RASGRF1: variants seen among roughly 807,000 people sequenced by gnomAD.
RASGRF1 encodes ras-specific guanine nucleotide-releasing factor 1.
In RASGRF1, 40 loss-of-function variants were observed where a neutral mutation model predicts 138.7. The observed-to-expected ratio is 0.29, with a 90% CI of 0.22 to 0.38. The LOEUF is 0.38. Among genes scored for constraint, RASGRF1 ranks in the 10% least tolerant of loss-of-function variants. RASGRF1 has a pLI of 1.00. For missense variants in RASGRF1, 1,108 were observed against 1,650.4 expected (o/e 0.67, Z 5.69); for synonymous variants, 614 against 663.2 (o/e 0.93, Z 1.14).
In RASGRF1 at chr15:79,083,478, G is replaced by A. The variant is rs73479409; in HGVS notation, c.276+6745C>T. Among the ~76,000 whole-genome samples the A allele has an allele frequency of 2.3e-3, 353 of 152,286 alleles. 3 individuals carry two copies. Among genetic ancestry groups the A allele is most frequent in the African/African-American group, 7.9e-3 (327 of 41,554 alleles). Reference sequence around the variant, plus strand: ...GGGGTGTGGATGCCTGCCTTGGTGCGCTTCCCATCAATGCTCAGGGGATTC... The same window carrying A: ...GGGGTGTGGATGCCTGCCTTGGTGCACTTCCCATCAATGCTCAGGGGATTC... On this transcript the variant is annotated intron_variant, in intron 1 of 26. Transcript: ENST00000558480.
intron 3 of RASGRF1, among the ~76,000 whole-genome samples, chr15:79,053,541 A>G (rs1253864019): frequency 6.6e-6 from 1 of 152,232 alleles, no homozygotes; most frequent in Non-Finnish European, 1.5e-5. Context: ...TCTCATAGGT[A>G]GATGTTCCCT....
intron 22 of RASGRF1, among the ~76,000 whole-genome samples, chr15:78,987,724 C>G (rs1231238068): frequency 6.8e-6 from 1 of 146,282 alleles, no homozygotes; most frequent in Non-Finnish European, 1.5e-5. Flanking sequence ...CAAAAAAAAC[C>G]AAAAAACCCC....
At chr15:79,081,508 G>T (rs2057913387) in intron 1 of RASGRF1, among the ~76,000 whole-genome samples, 1 of 152,218 alleles carries the variant, frequency 6.6e-6, no homozygotes, top group Non-Finnish European at 1.5e-5. Context: ...CTGGGCCTGG[G>T]AAGGCCTGAG....
rs529744337 is a variant in RASGRF1, at chr15:79,070,921, T to C, written c.277-6395A>G. ...AATAGACACAAAGTTGTTGAGGATCTGAATTGCCCATCTCGTGGGTGACTG... is the reference window on the plus strand; with the variant it reads ...AATAGACACAAAGTTGTTGAGGATCCGAATTGCCCATCTCGTGGGTGACTG... On this transcript the variant is annotated intron_variant, in intron 1 of 26. Coordinates refer to ENST00000558480, the MANE Select transcript of RASGRF1 (RefSeq NM_001145648.3). 5.3e-5 allele frequency among the ~76,000 whole-genome samples: 8 copies of C among 152,330 alleles called. No individual in the cohort carries two copies. The South Asian group carries it at 6.2e-4, about 12-fold the overall frequency.
intron 16 of RASGRF1, among the ~76,000 whole-genome samples, chr15:79,000,882 CT>C (rs2056506752): frequency 6.6e-6 from 1 of 152,162 alleles, no homozygotes; most frequent in Non-Finnish European, 1.5e-5. Context: ...TATTGGGTTC[CT>C]TTTGAAAGCC....
intron 26 of RASGRF1, among the ~76,000 whole-genome samples, chr15:78,971,110 A>G (rs532932043): frequency 6.6e-6 from 1 of 151,666 alleles, no homozygotes; most frequent in East Asian, 1.9e-4. Flanking sequence ...GACCAGGAAA[A>G]CTCTTCCAGG....
intron 20 of RASGRF1, among the ~76,000 whole-genome samples, chr15:78,993,423 T>G (rs942426370): frequency 6.6e-6 from 1 of 151,086 alleles, no homozygotes; most frequent in Non-Finnish European, 1.5e-5. Flanking sequence ...TGTCGGTGAG[T>G]TTTTCCTGGC....
At chr15:79,048,746 T>C (rs918220491) in intron 4 of RASGRF1, among the ~76,000 whole-genome samples, 2 of 152,362 alleles carry the variant, frequency 1.3e-5, no homozygotes, top group African/African-American at 4.8e-5. Context: ...ACTGGTACGC[T>C]GAACTTGGCC....
chr15:78,992,188 T>G (rs1414526552), intron 20 of RASGRF1, among the ~76,000 whole-genome samples: 2 of 152,204 alleles, frequency 1.3e-5, no homozygotes, highest in African/African-American at 2.4e-5. Flanking sequence ...GCCTGGCCAC[T>G]CCCTTCAGCG....
chr15:79,058,153 C>T (rs2057535239), intron 3 of RASGRF1, among the ~76,000 whole-genome samples, 181 bp downstream of exon 3: 1 of 152,190 alleles, frequency 6.6e-6, no homozygotes. Flanking sequence ...AGATTTAAAC[C>T]CAGTCTGACC....
chr15:79,020,376 C>T lies in RASGRF1; in HGVS notation c.1543-272G>A, dbSNP rs184700787. Among the ~76,000 whole-genome samples, 289 of 152,340 alleles carry T rather than the reference C, an allele frequency of 1.9e-3. 1 individual carries two copies. Among genetic ancestry groups the T allele is most frequent in the South Asian group, 4.4e-3 (21 of 4,820 alleles). ...GGTTGAGTTCTGGCCATGGGTGGAGCGGACAGAACCTGGCCTGCTTGGCCC... is the reference window on the plus strand; with the variant it reads ...GGTTGAGTTCTGGCCATGGGTGGAGTGGACAGAACCTGGCCTGCTTGGCCC... On this transcript the variant is annotated intron_variant, in intron 10 of 26. Coordinates refer to ENST00000558480, the MANE Select transcript of RASGRF1 (RefSeq NM_001145648.3).
intron 24 of RASGRF1, among the ~76,000 whole-genome samples, chr15:78,978,220 G>GTTTTTTTTTTT (rs71148584): frequency 1.6e-5 from 2 of 125,098 alleles, no homozygotes; most frequent in African/African-American, 8.1e-5. Flanking sequence ...CTTTTCTTTT[G>GTTTTTTTTTTT]TTTTTTTTTT....
intron 5 of RASGRF1, among the ~76,000 whole-genome samples, chr15:79,042,152 AC>A (rs1458552417): frequency 6.6e-6 from 1 of 152,240 alleles, no homozygotes; most frequent in Non-Finnish European, 1.5e-5. Context: ...TACACAATTA[AC>A]ACCCTCCCCA....
chr15:79,090,279 C>T lies in RASGRF1; in HGVS notation c.220G>A (p.Asp74Asn). The part of the protein sequence containing the change: ...GLYLLEGCVC[D>N]RAPSPKPALS... The stretch of plus-strand genomic sequence containing the variant: ...GCCGGCTTGGGGGAGGGCGCGCGGT[C>T]GCAGACGCAGCCCTCCAGCAGGTAA... The change falls in exon 1 of 27, where the codon GAC (aspartate) becomes AAC (asparagine). Residue 74 changes from aspartate (D) to asparagine (N), a missense_variant. By Grantham distance (23) the Asp-to-Asn change is conservative. Around this residue, in one of 3 missense-constraint regions of RASGRF1, gnomAD observed 253 missense variants for 329.5 expected, o/e 0.77. Transcript: ENST00000558480. 1.9e-6 allele frequency: 3 copies of T among 1,612,198 alleles called. No individual in the cohort carries two copies. The highest frequency in any genetic ancestry group is 3.3e-5 in the Admixed American group (2 of 59,986).
intron 2 of RASGRF1, among the ~76,000 whole-genome samples, chr15:79,061,867 T>C (rs1407692171): frequency 6.6e-6 from 1 of 152,244 alleles, no homozygotes; most frequent in Non-Finnish European, 1.5e-5. Flanking sequence ...CTAAGGGATA[T>C]CTGCATATGA....
Position 79,017,840 on chromosome 15 carries a change from G to A in RASGRF1, c.1673C>T (p.Pro558Leu), listed in dbSNP as rs139535493. Residue 558 changes from proline (P) to leucine (L), a missense_variant, in exon 12 of 27, where the codon CCG becomes CTG. By Grantham distance (98) the Pro-to-Leu change is moderately conservative (BLOSUM62 -3). This residue lies in a region of RASGRF1 where 686 missense variants were observed against 976.7 expected (regional missense o/e 0.70). Transcript: ENST00000558480. The stretch of plus-strand genomic sequence containing the variant: ...GGCCACTAGGATGACTGTAAAGGGC[G>A]GGGAATCCTTTGGCTCCACCCCGAT... ...FKIGVEPKDS[P>L]PFTVILVASS... The A allele has an allele frequency of 8.6e-5, 138 of 1,613,376 alleles. No individual in the cohort carries two copies. The highest frequency in any genetic ancestry group is 3.3e-4 in the East Asian group (15 of 44,824).
chr15:78,997,120 G>A, intron 19 of RASGRF1, among the ~76,000 whole-genome samples: 1 of 152,242 alleles, frequency 6.6e-6, no homozygotes, highest in Middle Eastern at 3.2e-3. Flanking sequence ...GCTCAGAGCG[G>A]GGACTTGCCC....
intron 1 of RASGRF1, among the ~76,000 whole-genome samples, chr15:79,075,410 A>C (rs530478195): frequency 3.9e-5 from 6 of 152,124 alleles, no homozygotes; most frequent in Non-Finnish European, 8.8e-5. Flanking sequence ...CTTCCTGTCC[A>C]GTATGTCCTT....
At chr15:79,049,702 C>G in intron 3 of RASGRF1, 114 bp from the exon 4 acceptor site, 1 of 786,012 alleles carries the variant, frequency 1.3e-6, no homozygotes, top group East Asian at 2.7e-5. Flanking sequence ...CCTCTTCTTC[C>G]CCAAGAGCCA....
Sources: gnomAD v4.1 joint callset for allele counts (sites outside exome capture counted in the v4.1 genomes callset) on GRCh38, gnomAD v4.1.1 for gene constraint, gnomAD v4.1.1 regional missense constraint, MANE v1.5 for transcripts, NCBI Gene and HGNC (gene_info 2026-07-23, HGNC 2026-07-21) for gene names.